The following XPO6 variants were observed in gnomAD, a reference collection of about 807,000 sequenced individuals.
The protein encoded by XPO6 is exportin 6, also known as exportin-6.
Under a neutral mutation model 130.0 loss-of-function variants are expected in XPO6, and 3 were observed. That is an observed-to-expected ratio of 0.02 (90% CI 0.01 to 0.06). XPO6 has a LOEUF of 0.06. Among genes scored for constraint, XPO6 ranks in the 10% least tolerant of loss-of-function variants. The pLI is 1.00. For missense variants in XPO6, 970 were observed against 1,393.0 expected, an observed-to-expected ratio of 0.70 and a Z score of 4.83; for synonymous variants, 524 against 548.9, an observed-to-expected ratio of 0.95 and a Z score of 0.63.
rs369662720 is a variant in XPO6 at position 28,107,485 on chromosome 16, C to T, written c.2497+37G>A. The T allele has an allele frequency of 7.4e-6, 12 of 1,611,656 alleles. No homozygotes were observed. In the African/African-American group the frequency reaches 1.5e-4, roughly 20 times the overall value. Reference sequence around the variant, plus strand: ...AAGTGGGTATTCTGGCCCTTGTTAGCACCACCCACCAGTGGGGCCTCTGGG... The same window carrying T: ...AAGTGGGTATTCTGGCCCTTGTTAGTACCACCCACCAGTGGGGCCTCTGGG... On this transcript the variant is annotated intron_variant, in intron 18 of 23. Transcript: ENST00000304658.
intron 1 of XPO6, among the ~76,000 whole-genome samples, chr16:28,183,763 T>C (rs2043653369): frequency 6.6e-6 from 1 of 152,174 alleles, no homozygotes; most frequent in Non-Finnish European, 1.5e-5. Context: ...CAGGCCTACT[T>C]TGAAACTAGA....
intron 1 of XPO6, among the ~76,000 whole-genome samples, chr16:28,182,569 G>A (rs1168801835): frequency 6.6e-6 from 1 of 152,164 alleles, no homozygotes; most frequent in Non-Finnish European, 1.5e-5. Flanking sequence ...TTGTATTTAG[G>A]ATAAAGATTA....
chr16:28,166,456 GCCC>G (rs1244196153), intron 6 of XPO6, 49 bp downstream of exon 6: 1 of 1,537,762 alleles, frequency 6.5e-7, no homozygotes, highest in Non-Finnish European at 8.8e-7. Context: ...ACCACACCTG[GCCC>G]CCAATACATT....
rs768794412 is a variant in XPO6 at position 28,156,098 on chromosome 16, C to G, written c.1073G>C (p.Ser358Thr). Residue 358 changes from serine (S) to threonine (T), a missense_variant, in exon 7 of 24, where the codon AGC becomes ACC. Coordinates refer to ENST00000304658, the MANE Select transcript of XPO6 (RefSeq NM_015171.4). ...TKDNNAHTVK[S>T]RLEELDESYI... Reference sequence around the variant, plus strand: ...CCTCTCATCGAGCTCTTCTAGCCTGCTCTTCACTGTGTGGGCATTGTTATC... The same window carrying G: ...CCTCTCATCGAGCTCTTCTAGCCTGGTCTTCACTGTGTGGGCATTGTTATC... The G allele has an allele frequency of 3.7e-6, 6 of 1,610,622 alleles. No individual in the cohort carries two copies. The highest frequency in any genetic ancestry group is 5.1e-6 in the Non-Finnish European group (6 of 1,177,898).
At position 28,139,777 on chromosome 16, in the gene XPO6, A is replaced by G. The variant is rs116755794; in HGVS notation, c.1335-4453T>C. 4.5e-3 allele frequency among the ~76,000 whole-genome samples: 690 copies of G among 152,356 alleles called. 7 individuals carry two copies. Among genetic ancestry groups the G allele is most frequent in the African/African-American group, 0.016 (668 of 41,574 alleles). On this transcript the variant is annotated intron_variant, in intron 9 of 23. Transcript: ENST00000304658. ...ATAAAGAAATGTGGTCCAACACTCA[A>G]TAGACACACTGGAAAAGAAAACTAA... is the stretch of plus-strand genomic sequence containing the variant.
chr16:28,112,443 T>C (rs1246595707), intron 16 of XPO6, among the ~76,000 whole-genome samples: 2 of 152,160 alleles, frequency 1.3e-5, no homozygotes, highest in Non-Finnish European at 2.9e-5. Context: ...TCTGGTACCC[T>C]CTTCAAACCT....
At chr16:28,153,670 T>C in intron 7 of XPO6, 2 of 985,336 alleles carry the variant, frequency 2.0e-6, no homozygotes, top group Non-Finnish European at 2.4e-6. Flanking sequence ...CAAAAGGTGA[T>C]TAGAAAATGA....
At chr16:28,141,293 G>A (rs1406678750) in intron 9 of XPO6, among the ~76,000 whole-genome samples, 1 of 152,188 alleles carries the variant, frequency 6.6e-6, no homozygotes, top group Non-Finnish European at 1.5e-5. Flanking sequence ...ACTTTAGGTT[G>A]CTTCACACAC....
intron 6 of XPO6, among the ~76,000 whole-genome samples, chr16:28,159,965 C>G (rs1016378775): frequency 4.6e-5 from 7 of 152,044 alleles, no homozygotes; most frequent in African/African-American, 1.7e-4. Flanking sequence ...GCGGGCAAAT[C>G]ACTTGAGGTC....
At chr16:28,149,724 C>G (rs771925335) in intron 8 of XPO6, among the ~76,000 whole-genome samples, 10 of 152,278 alleles carry the variant, frequency 6.6e-5, no homozygotes, top group South Asian at 4.2e-4. Context: ...GATGTACACA[C>G]AACGATGACA....
chr16:28,126,002 A>G (rs2087394760), intron 12 of XPO6, among the ~76,000 whole-genome samples, 154 bp from the exon 13 acceptor site: 1 of 152,366 alleles, frequency 6.6e-6, no homozygotes, highest in East Asian at 1.9e-4. Context: ...AGTACTGAGC[A>G]GGGAAACTGG....
intron 7 of XPO6, chr16:28,154,144 A>C: frequency 1.0e-6 from 1 of 984,096 alleles, no homozygotes; most frequent in Non-Finnish European, 1.2e-6. Flanking sequence ...AAGAGTAGGA[A>C]CTCCTTCCTC....
chr16:28,113,009 G>A lies in XPO6; in HGVS notation c.2046C>T (p.Val682=), dbSNP rs185543426. ...KLLLSACHLL[V]SLATTVRPVF... ...CGGGCCGCACGGTGGTGGCCAGTGAGACCAGTAAGTGGCACGCAGATAGCA... is the reference window on the plus strand; with the variant it reads ...CGGGCCGCACGGTGGTGGCCAGTGAAACCAGTAAGTGGCACGCAGATAGCA... Residue 682 remains valine, a synonymous_variant, in exon 16 of 24, where the codon GTC becomes GTT. Coordinates refer to ENST00000304658, the MANE Select transcript of XPO6 (RefSeq NM_015171.4). The A allele has an allele frequency of 2.5e-6, 4 of 1,614,096 alleles. No individual in the cohort carries two copies. Among genetic ancestry groups the A allele is most frequent in the Non-Finnish European group, 3.4e-6 (4 of 1,180,006 alleles).
chr16:28,160,566 G>A (rs1316916446), intron 6 of XPO6, among the ~76,000 whole-genome samples: 3 of 149,410 alleles, frequency 2.0e-5, no homozygotes, highest in African/African-American at 2.5e-5. Context: ...TATATAATCT[G>A]ATGCCATTTT....
intron 11 of XPO6, among the ~76,000 whole-genome samples, chr16:28,133,416 G>A (rs896321929): frequency 6.6e-5 from 10 of 151,958 alleles, no homozygotes; most frequent in African/African-American, 1.5e-4. Context: ...TGAATAACAC[G>A]CACCACACAG....
chr16:28,148,616 A>G (rs1176979713), intron 8 of XPO6, among the ~76,000 whole-genome samples: 2 of 152,208 alleles, frequency 1.3e-5, no homozygotes, highest in Non-Finnish European at 2.9e-5. Flanking sequence ...TGTGATCTTC[A>G]TAAGTCTTGG....
chr16:28,207,317 A>G (rs1041968487), intron 1 of XPO6, among the ~76,000 whole-genome samples: 8 of 151,914 alleles, frequency 5.3e-5, no homozygotes, highest in Non-Finnish European at 2.9e-5. Flanking sequence ...CTAAGCAACT[A>G]AAAAAGAAAT....
At chr16:28,131,971 A>G (rs1446552727) in intron 12 of XPO6, among the ~76,000 whole-genome samples, 1 of 152,212 alleles carries the variant, frequency 6.6e-6, no homozygotes, top group African/African-American at 2.4e-5. Flanking sequence ...ATGGCCTTCC[A>G]ATTCTAAAGT....
rs8050686 is a variant in XPO6, at chr16:28,106,758, T to C, written c.2498-261A>G. ...GAAGGTCATCTCGAACCCTCCCTCA[T>C]TGCCCGACATCCAGTGATGGTCAGA... On this transcript the variant is annotated intron_variant, in intron 18 of 23. Transcript: ENST00000304658. The surrounding 1 kb of genome is among the most constrained non-coding windows in gnomAD (Gnocchi z 4.2). Among the ~76,000 whole-genome samples, 490 of 152,270 alleles carry C rather than the reference T, an allele frequency of 3.2e-3. 4 individuals carry two copies. The highest frequency in any genetic ancestry group is 0.011 in the African/African-American group (462 of 41,558).
Sources: gnomAD v4.1 joint callset for allele counts (sites outside exome capture counted in the v4.1 genomes callset) on GRCh38, gnomAD v4.1.1 for gene constraint, Gnocchi (gnomAD v3.1) non-coding constraint, MANE v1.5 for transcripts, NCBI Gene and HGNC (gene_info 2026-07-23, HGNC 2026-07-21) for gene names.